The following ODAD3 variants were observed in gnomAD, a reference collection of about 807,000 sequenced individuals.
The protein encoded by ODAD3 is outer dynein arm-docking complex subunit 3.
ODAD3 carries 57 observed loss-of-function variants against 70.9 expected under a neutral mutation model. The ratio of observed to expected loss-of-function variants is 0.80; its 90% CI spans 0.65 to 1.00. The LOEUF is 1.00. Among genes scored for constraint, ODAD3 ranks in the 50% least tolerant of loss-of-function variants. The pLI, the probability that ODAD3 is intolerant of heterozygous loss-of-function variation, is 0.00. For missense variants in ODAD3, 797 were observed against 763.9 expected (o/e 1.04, Z -0.51); for synonymous variants, 327 against 315.9 (o/e 1.04, Z -0.37).
intron 5 of ODAD3, 26 bp downstream of exon 5, chr19:11,426,657 C>T: frequency 6.2e-7 from 1 of 1,613,636 alleles, no homozygotes; most frequent in Non-Finnish European, 8.5e-7. Flanking sequence ...TGTTTGTCAT[C>T]TCACCCGAGC....
chr19:11,429,837 CTTTTT>C (rs760906180), intron 3 of ODAD3, among the ~76,000 whole-genome samples: 6 of 134,842 alleles, frequency 4.4e-5, no homozygotes, highest in African/African-American at 1.6e-4. Context: ...CGCGCCCAGC[CTTTTT>C]TTTTTTTTTT....
Position 11,434,226 on chromosome 19 carries a change from C to CAA in ODAD3, c.244+545_244+546dup, listed in dbSNP as rs66819446. On this transcript the variant is annotated intron_variant, in intron 1 of 12. Coordinates refer to ENST00000356392, the MANE Select transcript of ODAD3 (RefSeq NM_145045.5). ...AGACCCTGTCTCAAAAAACAAAAAA[C>CAA]AAAACAAAAAAAAACGCGGGTGCAG... Among the ~76,000 whole-genome samples, 12 of 80,508 alleles carry CAA rather than the reference C, an allele frequency of 1.5e-4. 1 individual carries two copies. The highest frequency in any genetic ancestry group is 3.7e-4 in the South Asian group (1 of 2,722). The allele number at this position is 80,508 out of a possible 152,430, so 52.8% of individuals were successfully genotyped here. A position where few individuals can be genotyped will look rare whatever the true frequency, so the allele number is the denominator to read the frequency against.
intron 3 of ODAD3, among the ~76,000 whole-genome samples, chr19:11,428,189 G>C (rs1354206905): frequency 6.6e-6 from 1 of 152,044 alleles, no homozygotes; most frequent in Non-Finnish European, 1.5e-5. Flanking sequence ...TCCTTCCTCG[G>C]CCTCCCAAAG....
At position 11,426,889 on chromosome 19, in the gene ODAD3, T is replaced by TGTCTGTTTTGCGC. The variant is rs750658321; in HGVS notation, c.583_595dup (p.His199ArgfsTer60). On this transcript the variant is annotated frameshift_variant, in exon 4 of 13. Transcript: ENST00000356392. LOFTEE classifies it high-confidence loss of function. ...CGCCCCTACCTTGGCCACCTCCGTGTGTCTGTTTTGCGCCTCCGCCATCTC... is the reference window on the plus strand; with the variant it reads ...CGCCCCTACCTTGGCCACCTCCGTGTGTCTGTTTTGCGCGTCTGTTTTGCGCCTCCGCCATCTC... 2.5e-6 allele frequency: 4 copies of TGTCTGTTTTGCGC among 1,609,240 alleles called. No individual in the cohort carries two copies. Among genetic ancestry groups the TGTCTGTTTTGCGC allele is most frequent in the Admixed American group, 3.3e-5 (2 of 59,866 alleles).
chr19:11,425,457 G>GTATATA lies in ODAD3; in HGVS notation c.963+686_963+687insTATATA, dbSNP rs1969325886. ...TGTGTATATGTATATATACATATAT[G>GTATATA]TGTGTGTATATATGTATATATGTGT... On this transcript the variant is annotated intron_variant, in intron 7 of 12. Transcript: ENST00000356392. Among the ~76,000 whole-genome samples, 21 of 133,464 alleles carry GTATATA rather than the reference G, an allele frequency of 1.6e-4. 1 individual carries two copies. The highest frequency in any genetic ancestry group is 6.6e-4 in the African/African-American group (21 of 31,884). The allele number at this position is 133,464 out of a possible 152,430, so 87.6% of individuals were successfully genotyped here.
At position 11,423,893 on chromosome 19, in the gene ODAD3, C is replaced by T; in HGVS notation, c.1100G>A (p.Gly367Asp). The change falls in exon 8 of 13, where the codon GGC becomes GAC. Residue 367 changes from glycine to aspartate, a missense_variant. By Grantham distance (94) the Gly-to-Asp change is moderately conservative. Transcript: ENST00000356392. Reference sequence around the variant, plus strand: ...AGAACTCACGTGCGTCTCGTCAGTGCCAGTGGCGTCCTTGACCTTGCCAAA... The same window carrying T: ...AGAACTCACGTGCGTCTCGTCAGTGTCAGTGGCGTCCTTGACCTTGCCAAA... The part of the protein sequence containing the change: ...VIFGKVKDAT[G>D]TDETHSLVRR... 3 of 1,611,922 alleles carry T rather than the reference C, an allele frequency of 1.9e-6. No individual in the cohort carries two copies. Among genetic ancestry groups the T allele is most frequent in the Admixed American group, 1.7e-5 (1 of 59,936 alleles).
At position 11,423,997 on chromosome 19, in the gene ODAD3, G is replaced by A. The variant is rs368616907; in HGVS notation, c.996C>T (p.Asp332=). ...THREHLLLQS[D]DTIQDSLHAK... ...CATGCAGGCTGTCCTGGATGGTGTC[G>A]TCGGACTGTAGCAGCAGGTGCTCGC... Residue 332 remains aspartate (D), a synonymous_variant, in exon 8 of 13, where the codon GAC becomes GAT. Coordinates refer to ENST00000356392, the MANE Select transcript of ODAD3 (RefSeq NM_145045.5). 1.9e-6 allele frequency: 3 copies of A among 1,612,048 alleles called. No individual in the cohort carries two copies. The South Asian group carries it at 3.3e-5, about 18-fold the overall frequency.
rs774815326 is a variant in ODAD3, at chr19:11,426,568, C to T, written c.718G>A (p.Glu240Lys). 4.3e-6 allele frequency: 7 copies of T among 1,613,994 alleles called. No homozygotes were observed. The highest frequency in any genetic ancestry group is 1.7e-5 in the Admixed American group (1 of 59,998). Residue 240 changes from glutamate to lysine, a missense_variant, in exon 6 of 13, where the codon GAG becomes AAG. Transcript: ENST00000356392. ...AGCCGGTTCTCCAAGTTGAGGCTCT[C>T]GTCCTGGGGCGTGGTGGGGAGGGGT... ...YLQLKAYLMDESLNLENRLDS... is the reference protein window; with the variant it reads ...YLQLKAYLMDKSLNLENRLDS...
intron 7 of ODAD3, among the ~76,000 whole-genome samples, chr19:11,424,443 A>G (rs1287624985): frequency 6.6e-6 from 1 of 151,324 alleles, no homozygotes; most frequent in East Asian, 1.9e-4. Flanking sequence ...TCGAGACTGC[A>G]GTGAGCTATA....
chr19:11,433,918 C>A (rs982734251), intron 1 of ODAD3, among the ~76,000 whole-genome samples: 1 of 151,952 alleles, frequency 6.6e-6, no homozygotes, highest in African/African-American at 2.4e-5. Context: ...CAGAGCAAGA[C>A]CCTGTCAGAA....
At chr19:11,426,632 C>T in intron 5 of ODAD3, 51 bp downstream of exon 5, 1 of 1,613,520 alleles carries the variant, frequency 6.2e-7, no homozygotes, top group Non-Finnish European at 8.5e-7. Context: ...TGTCCCTAGC[C>T]AAGCCCGCCC....
At position 11,426,275 on chromosome 19, in the gene ODAD3, C is replaced by T. The variant is rs529328828; in HGVS notation, c.841-9G>A. The T allele has an allele frequency of 3.1e-5, 50 of 1,613,308 alleles. No homozygotes were observed. In the South Asian group the frequency reaches 4.4e-4, roughly 14 times the overall value. On this transcript the variant is annotated splice_polypyrimidine_tract_variant and intron_variant, in intron 6 of 12. Transcript: ENST00000356392. ...AGGTACTGCAGCTGGTTCTGGAGGG[C>T]GGGCAGGGTAGCAGGGAGACCAGCT... is the stretch of plus-strand genomic sequence containing the variant.
intron 11 of ODAD3, 59 bp from the exon 12 acceptor site, chr19:11,421,271 T>C: frequency 2.0e-6 from 3 of 1,481,054 alleles, no homozygotes; most frequent in Non-Finnish European, 2.8e-6. Context: ...CACCGAGAAG[T>C]CACGTTCCCC....
rs1453341879 is a variant in ODAD3 at position 11,420,847 on chromosome 19, A to G, written c.1776T>C (p.Ser592=). The change falls in exon 13 of 13, where the codon TCT becomes TCC. Residue 592 remains serine, a synonymous_variant. Transcript: ENST00000356392. ...TGTCAGGACGAGTCTAGGACCTCCG[A>G]GAGCGACGGTGCTTCTTGTGACTTT... ...LIESHKKHRR[S]RRS The G allele has an allele frequency of 6.2e-7, 1 of 1,613,788 alleles. No homozygotes were observed. Among genetic ancestry groups the G allele is most frequent in the Non-Finnish European group, 8.5e-7 (1 of 1,179,922 alleles).
Position 11,429,520 on chromosome 19 carries a change from G to C in ODAD3, c.444+1179C>G, listed in dbSNP as rs796936718. Reference sequence around the variant, plus strand: ...CTGCCTCTTGGGTTCAAGCAATTCTGTGCCTCAGCCTCCTGAGTAGCTGGG... The same window carrying C: ...CTGCCTCTTGGGTTCAAGCAATTCTCTGCCTCAGCCTCCTGAGTAGCTGGG... On this transcript the variant is annotated intron_variant, in intron 3 of 12. Transcript: ENST00000356392. Among the ~76,000 whole-genome samples the C allele has an allele frequency of 3.6e-3, 542 of 151,192 alleles. 4 individuals are homozygous for C. The highest frequency in any genetic ancestry group is 0.013 in the African/African-American group (516 of 41,192).
Position 11,430,891 on chromosome 19 carries a change from C to G in ODAD3, c.366+8G>C. The G allele has an allele frequency of 6.2e-7, 1 of 1,614,034 alleles. No individual in the cohort carries two copies. Among genetic ancestry groups the G allele is most frequent in the Non-Finnish European group, 8.5e-7 (1 of 1,179,980 alleles). On this transcript the variant is annotated splice_region_variant and intron_variant, in intron 2 of 12. Coordinates refer to ENST00000356392, the MANE Select transcript of ODAD3 (RefSeq NM_145045.5). Reference sequence around the variant, plus strand: ...CGGGAACCCTACACCCACCCCTTTGCCCCTTACCTTGAGCAGGTCCAGCAG... The same window carrying G: ...CGGGAACCCTACACCCACCCCTTTGGCCCTTACCTTGAGCAGGTCCAGCAG...
chr19:11,431,104 AATC>A (rs1969494772), intron 1 of ODAD3, 84 bp from the exon 2 acceptor site: 1 of 1,537,444 alleles, frequency 6.5e-7, no homozygotes, highest in Non-Finnish European at 8.7e-7. Context: ...CCTTTTTTGC[AATC>A]ATCAACTTTT....
intron 11 of ODAD3, 131 bp from the exon 12 acceptor site, chr19:11,421,343 A>T: frequency 1.2e-6 from 1 of 832,818 alleles, no homozygotes; most frequent in Non-Finnish European, 1.8e-6. Context: ...GCCCACTCCC[A>T]TCCCTCCTTA....
At position 11,422,372 on chromosome 19, in the gene ODAD3, G is replaced by A. The variant is rs916399130; in HGVS notation, c.1434+99C>T. 2.9e-6 allele frequency: 4 copies of A among 1,391,750 alleles called. No homozygotes were observed. Among genetic ancestry groups the A allele is most frequent in the Non-Finnish European group, 3.8e-6 (4 of 1,050,404 alleles). 86.2% of individuals were successfully genotyped at this position (1,391,750 alleles called of 1,614,324 possible). On this transcript the variant is annotated intron_variant, in intron 10 of 12. Transcript: ENST00000356392. The surrounding 1 kb of genome is among the most constrained non-coding windows in gnomAD (Gnocchi z 4.6). ...CGGGACAGAGGATGTGGCAGGCCAC[G>A]TTCCCTCGGGCAAGCTGGTGTGGCA...
Sources: gnomAD v4.1 joint callset for allele counts (sites outside exome capture counted in the v4.1 genomes callset) on GRCh38, gnomAD v4.1.1 for gene constraint, Gnocchi (gnomAD v3.1) non-coding constraint, MANE v1.5 for transcripts, NCBI Gene and HGNC (gene_info 2026-07-23, HGNC 2026-07-21) for gene names.